DDX10: variants seen among roughly 807,000 people sequenced by gnomAD.
DDX10 encodes the protein probable ATP-dependent RNA helicase DDX10.
Under a neutral mutation model 104.3 loss-of-function variants are expected in DDX10, and 74 were observed. That is an observed-to-expected ratio of 0.71 (90% CI 0.59 to 0.86). The LOEUF (loss-of-function observed/expected upper bound fraction) is 0.86, where lower values mean the gene tolerates loss of function less well. Among genes scored for constraint, DDX10 ranks in the 40% least tolerant of loss-of-function variants. The pLI is 0.00. For missense variants in DDX10, 952 were observed against 1,040.0 expected (o/e 0.92, Z 1.16); for synonymous variants, 351 against 353.4 (o/e 0.99, Z 0.08).
chr11:108,834,941 A>AG (rs1862533276), intron 13 of DDX10, among the ~76,000 whole-genome samples: 4 of 149,136 alleles, frequency 2.7e-5, no homozygotes. Context: ...AAAAAAAAAA[A>AG]AAAAAAAAGA....
intron 13 of DDX10, among the ~76,000 whole-genome samples, chr11:108,775,097 T>C (rs2726882): frequency 0.13 from 20,399 of 152,242 alleles, 1,671 homozygotes; most frequent in East Asian, 0.27. Context: ...ATACATTTGC[T>C]TATTTAAATG....
rs182473246 is a variant in DDX10, at chr11:108,928,991, T to C, written c.2450+10973T>C. ...AGCCTGGTTGAAATTAATGATGTAG[T>C]GACAGTAATGTCATGTAACATAGCC... On this transcript the variant is annotated intron_variant, in intron 17 of 17. Transcript: ENST00000322536. Among the ~76,000 whole-genome samples, 20 of 152,348 alleles carry C rather than the reference T, an allele frequency of 1.3e-4. No homozygotes were observed. In the East Asian group the frequency reaches 3.7e-3, roughly 28 times the overall value.
rs1471534829 is a variant in DDX10, at chr11:108,841,455, A to G, written c.2226A>G (p.Lys742=). ...AATTTGACAAAGAAGAATATAGGAA[A>G]AAAATTAAGGCAAAGCATCGGGTAA... is the stretch of plus-strand genomic sequence containing the variant. ...EDKFDKEEYR[K]KIKAKHREKR... Residue 742 remains lysine (K), a synonymous_variant, in exon 15 of 18, where the codon AAA becomes AAG. Transcript: ENST00000322536. 1.2e-6 allele frequency: 2 copies of G among 1,613,812 alleles called. No individual in the cohort carries two copies. Among genetic ancestry groups the G allele is most frequent in the African/African-American group, 1.3e-5 (1 of 74,932 alleles).
chr11:108,756,710 C>A (rs1473073302), intron 13 of DDX10, among the ~76,000 whole-genome samples: 1 of 152,036 alleles, frequency 6.6e-6, no homozygotes, highest in African/African-American at 2.4e-5. Flanking sequence ...CCCTTCATTG[C>A]AGCCTCACTA....
At chr11:108,931,044 A>C (rs945706701) in intron 17 of DDX10, among the ~76,000 whole-genome samples, 2 of 152,132 alleles carry the variant, frequency 1.3e-5, no homozygotes, top group African/African-American at 4.8e-5. Context: ...CCCCTACCCC[A>C]TTCAGTATCC....
At chr11:108,937,557 T>G (rs1010474936) in intron 17 of DDX10, among the ~76,000 whole-genome samples, 4 of 152,206 alleles carry the variant, frequency 2.6e-5, no homozygotes, top group African/African-American at 9.6e-5. Context: ...GCTCAGATGG[T>G]TACTTTGGTT....
chr11:108,816,915 A>G (rs1231385551), intron 13 of DDX10, among the ~76,000 whole-genome samples: 2 of 152,174 alleles, frequency 1.3e-5, no homozygotes, highest in Non-Finnish European at 2.9e-5. Flanking sequence ...AAATCTTCAT[A>G]GCAGGCAACC....
At chr11:108,694,984 A>T (rs1205495707) in intron 9 of DDX10, among the ~76,000 whole-genome samples, 1 of 152,180 alleles carries the variant, frequency 6.6e-6, no homozygotes, top group Non-Finnish European at 1.5e-5. Flanking sequence ...AGGATTACAC[A>T]ATCTGTCATT....
chr11:108,885,685 A>G lies in DDX10; in HGVS notation c.2305-32188A>G, dbSNP rs377286148. 6.6e-5 allele frequency among the ~76,000 whole-genome samples: 10 copies of G among 151,978 alleles called. No homozygotes were observed. In the East Asian group the frequency reaches 1.2e-3, roughly 18 times the overall value. On this transcript the variant is annotated intron_variant, in intron 16 of 17. Coordinates refer to ENST00000322536, the MANE Select transcript of DDX10 (RefSeq NM_004398.4). ...CCACTGCGTCCGGCCCATTTTCACAATTTTAATGGCTCATTAAATTTCCCC... is the reference window on the plus strand; with the variant it reads ...CCACTGCGTCCGGCCCATTTTCACAGTTTTAATGGCTCATTAAATTTCCCC...
chr11:108,696,892 A>G (rs891914813), intron 9 of DDX10, among the ~76,000 whole-genome samples: 5 of 152,144 alleles, frequency 3.3e-5, no homozygotes, highest in African/African-American at 2.4e-5. Flanking sequence ...GGACATGTCA[A>G]TATAAATCAG....
chr11:108,817,116 T>C (rs1474089387), intron 13 of DDX10, among the ~76,000 whole-genome samples: 1 of 152,236 alleles, frequency 6.6e-6, no homozygotes, highest in African/African-American at 2.4e-5. Flanking sequence ...TGTTATATAG[T>C]AGTTGTTTCA....
chr11:108,764,703 C>T (rs374605623), intron 13 of DDX10, among the ~76,000 whole-genome samples: 20 of 152,156 alleles, frequency 1.3e-4, no homozygotes, highest in African/African-American at 4.8e-4. Flanking sequence ...GAATAGCTAC[C>T]CTGATACTGT....
chr11:108,927,378 G>A (rs1166126446), intron 17 of DDX10, among the ~76,000 whole-genome samples: 1 of 152,132 alleles, frequency 6.6e-6, no homozygotes, highest in Non-Finnish European at 1.5e-5. Context: ...CTGAAATGAG[G>A]CATATGCCAC....
chr11:108,742,950 T>C (rs2094327072), intron 13 of DDX10, among the ~76,000 whole-genome samples: 1 of 152,176 alleles, frequency 6.6e-6, no homozygotes, highest in Non-Finnish European at 1.5e-5. Context: ...AGCCAAATTC[T>C]AGTAGATGAA....
At chr11:108,703,259 T>G (rs1053192450) in intron 9 of DDX10, among the ~76,000 whole-genome samples, 4 of 152,242 alleles carry the variant, frequency 2.6e-5, no homozygotes, top group African/African-American at 9.6e-5. Flanking sequence ...ATGTTGTACA[T>G]GATAAATATA....
In DDX10 at chr11:108,917,926, T is replaced by A; in HGVS notation, c.2358T>A (p.Asp786Glu). Residue 786 changes from aspartate (D) to glutamate (E), a missense_variant, in exon 17 of 18, where the codon GAT becomes GAA. Around this residue, in one of 3 missense-constraint regions of DDX10, gnomAD observed 533 missense variants for 534.1 expected, o/e 1.00. Transcript: ENST00000322536. ...FLDWSDDDDDDDDGFDPSTLP... is the reference protein window; with the variant it reads ...FLDWSDDDDDEDDGFDPSTLP... Reference sequence around the variant, plus strand: ...ATTGGAGTGATGATGATGATGATGATGATGATGGATTTGATCCAAGCACAC... The same window carrying A: ...ATTGGAGTGATGATGATGATGATGAAGATGATGGATTTGATCCAAGCACAC... 2 of 1,613,080 alleles carry A rather than the reference T, an allele frequency of 1.2e-6. No individual in the cohort carries two copies. The highest frequency in any genetic ancestry group is 1.7e-6 in the Non-Finnish European group (2 of 1,179,968).
At chr11:108,826,286 C>T (rs1862394451) in intron 13 of DDX10, among the ~76,000 whole-genome samples, 1 of 152,082 alleles carries the variant, frequency 6.6e-6, no homozygotes, top group Non-Finnish European at 1.5e-5. Context: ...CACAAATACA[C>T]TCTGGATAGA....
intron 13 of DDX10, among the ~76,000 whole-genome samples, chr11:108,787,904 TG>T (rs1194002690): frequency 6.6e-6 from 1 of 152,180 alleles, no homozygotes; most frequent in Non-Finnish European, 1.5e-5. Flanking sequence ...CACTCCAGCC[TG>T]GGCAACAAGA....
At chr11:108,759,683 A>G (rs372864943) in intron 13 of DDX10, among the ~76,000 whole-genome samples, 5 of 152,148 alleles carry the variant, frequency 3.3e-5, no homozygotes, top group African/African-American at 1.2e-4. Flanking sequence ...CTAAAATGGC[A>G]GAATTTGATT....
Sources: allele counts gnomAD v4.1 joint callset (sites outside exome capture counted in the v4.1 genomes callset), GRCh38; gene constraint gnomAD v4.1.1; regional missense constraint gnomAD v4.1.1; transcripts MANE v1.5; gene names NCBI Gene and HGNC (gene_info 2026-07-23, HGNC 2026-07-21).